PLEKHG1: variants seen among roughly 807,000 people sequenced by gnomAD.
The protein encoded by PLEKHG1 is pleckstrin homology and RhoGEF domain containing G1.
PLEKHG1 carries 44 observed loss-of-function variants against 100.8 expected under a neutral mutation model. The ratio of observed to expected loss-of-function variants is 0.44; its 90% CI spans 0.34 to 0.56. The LOEUF is 0.56. Among genes scored for constraint, PLEKHG1 ranks in the 20% least tolerant of loss-of-function variants. The probability of loss-of-function intolerance (pLI) is 0.01; values close to 1 mark genes in which losing one functional copy is unlikely to be tolerated. For synonymous variants in PLEKHG1, 640 were observed against 662.5 expected (o/e 0.97, Z 0.52); for missense variants, 1,545 against 1,720.9 (o/e 0.90, Z 1.81).
chr6:150,778,207 ATCC>A (rs1262490943), intron 3 of PLEKHG1, among the ~76,000 whole-genome samples: 4 of 152,254 alleles, frequency 2.6e-5, no homozygotes, highest in Non-Finnish European at 5.9e-5. Context: ...GGCTCAGTGT[ATCC>A]TCCGCCTCCC....
intron 15 of PLEKHG1, among the ~76,000 whole-genome samples, chr6:150,835,788 C>T (rs1365078319): frequency 1.3e-5 from 2 of 152,132 alleles, no homozygotes; most frequent in East Asian, 3.9e-4. Context: ...CTTAGAAGGT[C>T]AAGCTGAAAC....
chr6:150,822,875 G>C (rs1776383662), intron 13 of PLEKHG1, among the ~76,000 whole-genome samples: 1 of 152,208 alleles, frequency 6.6e-6, no homozygotes, highest in Non-Finnish European at 1.5e-5. Flanking sequence ...AGCTACTGGG[G>C]AGGCTGAGAC....
exon 8 of PLEKHG1, chr6:150,809,271 A>T: frequency 6.2e-7 from 1 of 1,614,012 alleles, no homozygotes; most frequent in Non-Finnish European, 8.5e-7. Flanking sequence ...ACGTTTACAT[A>T]CAAAGCTCAC....
intron 7 of PLEKHG1, 80 bp downstream of exon 8, chr6:150,804,821 C>T (rs1786961199): frequency 7.4e-7 from 1 of 1,356,666 alleles, no homozygotes; most frequent in South Asian, 1.3e-5. Flanking sequence ...ATTAAGGCTG[C>T]TCAAGTACTG....
intron 6 of PLEKHG1, among the ~76,000 whole-genome samples, chr6:150,803,257 A>G (rs1421515152): frequency 2.6e-5 from 4 of 152,212 alleles, no homozygotes; most frequent in African/African-American, 9.7e-5. Flanking sequence ...TTGCACCATA[A>G]CATTTAACCT....
Position 150,730,748 on chromosome 6 carries a change from T to C in PLEKHG1, c.-98-2836T>C, listed in dbSNP as rs554318125. 7.9e-5 allele frequency among the ~76,000 whole-genome samples: 12 copies of C among 151,902 alleles called. 1 individual carries two copies. The South Asian group carries it at 2.1e-3, about 26-fold the overall frequency. On this transcript the variant is annotated intron_variant, in intron 1 of 15. Coordinates refer to ENST00000358517, the Ensembl canonical transcript of PLEKHG1. ...TGAAACCCCGTCTCTACTAAAAATATAAAAATTAGCTGGGCGTGGTGGCAC... is the reference window on the plus strand; with the variant it reads ...TGAAACCCCGTCTCTACTAAAAATACAAAAATTAGCTGGGCGTGGTGGCAC...
intron 2 of PLEKHG1, among the ~76,000 whole-genome samples, chr6:150,737,433 AG>A (rs1437191771): frequency 6.6e-6 from 1 of 151,588 alleles, no homozygotes; most frequent in African/African-American, 2.4e-5. Context: ...CTGGGACTAT[AG>A]GCGCCCGCCA....
chr6:150,760,041 G>T (rs1784070086), intron 2 of PLEKHG1, among the ~76,000 whole-genome samples: 1 of 152,134 alleles, frequency 6.6e-6, no homozygotes, highest in South Asian at 2.1e-4. Flanking sequence ...AAATAGCAGT[G>T]AGGAGTTAAA....
intron 14 of PLEKHG1, among the ~76,000 whole-genome samples, chr6:150,824,626 A>G (rs932912316): frequency 2.6e-5 from 4 of 151,480 alleles, no homozygotes; most frequent in South Asian, 4.2e-4. Context: ...GGTTCAAGCA[A>G]TTCTCCTGCC....
chr6:150,768,614 G>T, intron 2 of PLEKHG1, 24 bp from the exon 4 acceptor site: 1 of 1,280,950 alleles, frequency 7.8e-7, no homozygotes, highest in Non-Finnish European at 1.1e-6. Flanking sequence ...AGTGTTTAAG[G>T]CATCCTTCTC....
chr6:150,794,355 A>G (rs907297765), intron 4 of PLEKHG1, among the ~76,000 whole-genome samples: 12 of 152,294 alleles, frequency 7.9e-5, no homozygotes, highest in Admixed American at 5.9e-4. Context: ...AAGTGTAACA[A>G]TGGTATTATG....
chr6:150,611,744 G>A (rs952573958), intron 1 of PLEKHG1, among the ~76,000 whole-genome samples: 9 of 150,814 alleles, frequency 6.0e-5, no homozygotes, highest in Middle Eastern at 3.4e-3. Flanking sequence ...CTCGGTAGGC[G>A]GAGGTTGCAG....
At chr6:150,680,449 A>C (rs992408543) in intron 3 of PLEKHG1, among the ~76,000 whole-genome samples, 2 of 152,240 alleles carry the variant, frequency 1.3e-5, no homozygotes, top group Non-Finnish European at 2.9e-5. Context: ...GTTTCCTGTG[A>C]AATCTCAAAG....
intron 4 of PLEKHG1, among the ~76,000 whole-genome samples, chr6:150,792,910 T>C (rs1462299197): frequency 1.3e-5 from 2 of 152,048 alleles, no homozygotes; most frequent in Admixed American, 6.6e-5. Context: ...CAAAAGACCA[T>C]AGGCCAGGTC....
intron 9 of PLEKHG1, 77 bp from the exon 11 acceptor site, chr6:150,809,571 G>A: frequency 2.0e-6 from 3 of 1,494,234 alleles, no homozygotes; most frequent in Non-Finnish European, 2.8e-6. Flanking sequence ...TGGCCACATG[G>A]TCATTTCCCA....
At chr6:150,822,274 A>G (rs1394624211) in intron 13 of PLEKHG1, among the ~76,000 whole-genome samples, 2 of 152,208 alleles carry the variant, frequency 1.3e-5, no homozygotes, top group African/African-American at 4.8e-5. Flanking sequence ...TTTAAATGAA[A>G]TAAATAGAAG....
chr6:150,737,544 G>A (rs940815360), intron 2 of PLEKHG1, among the ~76,000 whole-genome samples: 15 of 151,900 alleles, frequency 9.9e-5, no homozygotes, highest in East Asian at 1.9e-4. Context: ...CACCCGCCTC[G>A]GCCTCCCAAA....
At chr6:150,785,046 AAGAGAG>A (rs386408934) in intron 3 of PLEKHG1, among the ~76,000 whole-genome samples, 1 of 151,760 alleles carries the variant, frequency 6.6e-6, no homozygotes, top group Non-Finnish European at 1.5e-5. Context: ...AAAAAAAAAA[AAGAGAG>A]AGAGAGACAT....
exon 15 of PLEKHG1, chr6:150,830,949 G>C (rs1425188649): frequency 6.2e-7 from 1 of 1,613,944 alleles, no homozygotes. Flanking sequence ...AGCAGTGCTG[G>C]GGAGAGCAAC....
Sources: allele counts gnomAD v4.1 joint callset (sites outside exome capture counted in the v4.1 genomes callset), GRCh38; gene constraint gnomAD v4.1.1; transcripts MANE v1.5; gene names NCBI Gene and HGNC (gene_info 2026-07-23, HGNC 2026-07-21).